CTNND2: variants seen among roughly 807,000 people sequenced by gnomAD.
CTNND2 encodes the protein catenin delta-2.
In CTNND2, 22 loss-of-function variants were observed where a neutral mutation model predicts 144.4. That is an observed-to-expected ratio of 0.15 (90% CI 0.11 to 0.22). CTNND2 has a LOEUF of 0.22. Ranked by LOEUF, CTNND2 falls within the 10% of genes least tolerant of loss-of-function variation. The pLI, the probability that CTNND2 is intolerant of heterozygous loss-of-function variation, is 1.00. For synonymous variants in CTNND2, 751 were observed against 695.6 expected, an observed-to-expected ratio of 1.08 and a Z score of -1.25; for missense variants, 1,353 against 1,618.8, an observed-to-expected ratio of 0.84 and a Z score of 2.82.
chr5:11,688,465 T>C (rs75262764), intron 2 of CTNND2, among the ~76,000 whole-genome samples: 1 of 152,314 alleles, frequency 6.6e-6, no homozygotes, highest in East Asian at 1.9e-4. Flanking sequence ...GCATATGCCT[T>C]CCGCTGACAT....
intron 6 of CTNND2, 97 bp from the exon 7 acceptor site, chr5:11,385,326 G>T: frequency 1.2e-6 from 1 of 837,634 alleles, no homozygotes; most frequent in Non-Finnish European, 1.4e-6. Context: ...GCACACCGGG[G>T]ATGCCGCGGG....
chr5:11,338,375 G>T (rs1753925535), intron 9 of CTNND2, among the ~76,000 whole-genome samples: 2 of 147,860 alleles, frequency 1.4e-5, no homozygotes, highest in Admixed American at 6.7e-5. Context: ...CCCATGGGTT[G>T]TCAGCTCTTG....
intron 3 of CTNND2, among the ~76,000 whole-genome samples, chr5:11,500,258 A>T (rs546819255): frequency 6.6e-6 from 1 of 152,194 alleles, no homozygotes; most frequent in Non-Finnish European, 1.5e-5. Context: ...TATGCATGGG[A>T]GTGTCTGGCA....
chr5:11,528,550 CTTGGAAAATACCAAAAGGG>C (rs1773469514), intron 3 of CTNND2, among the ~76,000 whole-genome samples: 1 of 152,162 alleles, frequency 6.6e-6, no homozygotes, highest in African/African-American at 2.4e-5. Context: ...AACAACATCC[CTTGGAAAATACCAAAAGGG>C]AGGTGCAGAG....
intron 9 of CTNND2, among the ~76,000 whole-genome samples, chr5:11,250,756 A>G (rs187351971): frequency 3.2e-4 from 48 of 151,952 alleles, no homozygotes; most frequent in African/African-American, 1.1e-3. Flanking sequence ...GGCTCAAGTG[A>G]TCCTTCTGCC....
At chr5:11,309,820 T>G (rs182662681) in intron 9 of CTNND2, among the ~76,000 whole-genome samples, 1 of 152,130 alleles carries the variant, frequency 6.6e-6, no homozygotes, top group Non-Finnish European at 1.5e-5. Context: ...TGGGAGGTGA[T>G]TGGATCATGG....
At position 11,069,277 on chromosome 5, in the gene CTNND2, A is replaced by G. The variant is rs543106341; in HGVS notation, c.2788+13419T>C. ...CTTAAGTGCCAAACTCGGGGGGTAT[A>G]CAGATTAACACAAAGAAGTGTAAAT... is the stretch of plus-strand genomic sequence containing the variant. On this transcript the variant is annotated intron_variant, in intron 16 of 21. Coordinates refer to ENST00000304623, the MANE Select transcript of CTNND2 (RefSeq NM_001332.4). Among the ~76,000 whole-genome samples, 4 of 152,348 alleles carry G rather than the reference A, an allele frequency of 2.6e-5. No individual in the cohort carries two copies. The East Asian group carries it at 7.7e-4, about 29-fold the overall frequency.
intron 9 of CTNND2, among the ~76,000 whole-genome samples, chr5:11,310,436 T>C (rs1333331214): frequency 2.6e-5 from 4 of 152,032 alleles, no homozygotes; most frequent in African/African-American, 7.3e-5. Context: ...CTCTGTTCTC[T>C]AAGGTCTAAA....
At chr5:11,497,157 T>G (rs1400378690) in intron 3 of CTNND2, among the ~76,000 whole-genome samples, 1 of 151,772 alleles carries the variant, frequency 6.6e-6, no homozygotes, top group Non-Finnish European at 1.5e-5. Flanking sequence ...AAGTGAGAAA[T>G]TCATTCCATT....
At chr5:11,388,352 T>A (rs561933390) in intron 6 of CTNND2, among the ~76,000 whole-genome samples, 10 of 152,318 alleles carry the variant, frequency 6.6e-5, no homozygotes, top group Admixed American at 5.2e-4. Context: ...TACTGCTCAA[T>A]ATGGCACCGC....
rs537645079 is a variant in CTNND2 at position 10,997,396 on chromosome 5, AT to A, written c.3085-4720del. 7.4e-3 allele frequency among the ~76,000 whole-genome samples: 1,132 copies of A among 152,242 alleles called. 11 individuals are homozygous for A. The highest frequency in any genetic ancestry group is 0.024 in the African/African-American group (1,005 of 41,548). On this transcript the variant is annotated intron_variant, in intron 18 of 21. Transcript: ENST00000304623. ...ATCACGAGGTCAAGAGATCAAGACC[AT>A]TCTGGCCAACATGGTGAAACCCCGT...
chr5:11,080,735 A>G (rs1478035418), intron 16 of CTNND2, among the ~76,000 whole-genome samples: 1 of 152,238 alleles, frequency 6.6e-6, no homozygotes, highest in East Asian at 1.9e-4. Context: ...ATATGTACAC[A>G]TACCACATGA....
rs149023164 is a variant in CTNND2 at position 11,861,221 on chromosome 5, C to T, written c.37+42596G>A. ...GTCCCATTCAGCCTTCTCTGCTCAACTCTAGACTCGTATCATCTACTGCCT... is the reference window on the plus strand; with the variant it reads ...GTCCCATTCAGCCTTCTCTGCTCAATTCTAGACTCGTATCATCTACTGCCT... On this transcript the variant is annotated intron_variant, in intron 1 of 21. Coordinates refer to ENST00000304623, the MANE Select transcript of CTNND2 (RefSeq NM_001332.4). Among the ~76,000 whole-genome samples, 12 of 152,260 alleles carry T rather than the reference C, an allele frequency of 7.9e-5. 1 individual carries two copies. In the East Asian group the frequency reaches 2.3e-3, roughly 29 times the overall value.
Position 11,515,745 on chromosome 5 carries a change from AG to A in CTNND2, c.287+49198del, listed in dbSNP as rs565613749. On this transcript the variant is annotated intron_variant, in intron 3 of 21. Coordinates refer to ENST00000304623, the MANE Select transcript of CTNND2 (RefSeq NM_001332.4). ...GTGCATAGAAAATTTAAATACTCAAAGGTACAATTTTCTGTTAAAAGGCTCA... is the reference window on the plus strand; with the variant it reads ...GTGCATAGAAAATTTAAATACTCAAAGTACAATTTTCTGTTAAAAGGCTCA... Among the ~76,000 whole-genome samples the A allele has an allele frequency of 2.3e-3, 344 of 152,336 alleles. 2 individuals are homozygous for A. Among genetic ancestry groups the A allele is most frequent in the African/African-American group, 7.9e-3 (327 of 41,568 alleles).
At chr5:11,646,002 CAT>C (rs1426133468) in intron 2 of CTNND2, among the ~76,000 whole-genome samples, 3 of 152,044 alleles carry the variant, frequency 2.0e-5, no homozygotes, top group Non-Finnish European at 2.9e-5. Context: ...ATGCATAAAA[CAT>C]ATGATTCCAT....
intron 16 of CTNND2, among the ~76,000 whole-genome samples, chr5:11,045,374 G>C (rs72729263): frequency 1.3e-3 from 193 of 152,184 alleles, no homozygotes; most frequent in Middle Eastern, 3.4e-3. Context: ...CAAGAGGGAG[G>C]GGGGGAAGGT....
At chr5:11,365,740 G>T (rs994344464) in intron 7 of CTNND2, among the ~76,000 whole-genome samples, 4 of 152,306 alleles carry the variant, frequency 2.6e-5, no homozygotes, top group African/African-American at 4.8e-5. Context: ...GGGTGAAGAG[G>T]CTGGCTTGAC....
chr5:11,532,621 A>T (rs1773846832), intron 3 of CTNND2, among the ~76,000 whole-genome samples: 1 of 152,186 alleles, frequency 6.6e-6, no homozygotes. Flanking sequence ...ACCAACTAAG[A>T]GTGGTGAAAT....
At chr5:11,657,975 CTATT>C (rs1172855828) in intron 2 of CTNND2, among the ~76,000 whole-genome samples, 1 of 152,102 alleles carries the variant, frequency 6.6e-6, no homozygotes, top group African/African-American at 2.4e-5. Context: ...GGTTATAATT[CTATT>C]TAAAGTGGTT....
Sources: allele counts gnomAD v4.1 joint callset (sites outside exome capture counted in the v4.1 genomes callset), GRCh38; gene constraint gnomAD v4.1.1; transcripts MANE v1.5; gene names NCBI Gene and HGNC (gene_info 2026-07-23, HGNC 2026-07-21).